Variants in NTM observed in about 807,000 individuals in gnomAD.
The protein encoded by NTM is neurotrimin.
In NTM, 13 loss-of-function variants were observed where a neutral mutation model predicts 42.1. The observed-to-expected ratio is 0.31, with a 90% CI of 0.20 to 0.49. NTM has a LOEUF of 0.49. NTM is among the 20% of genes least tolerant of loss of function. The pLI is 0.99. For synonymous variants in NTM, 187 were observed against 179.2 expected (o/e 1.04, Z -0.35); for missense variants, 373 against 452.8 (o/e 0.82, Z 1.60).
Position 131,939,333 on chromosome 11 carries a change from A to G in NTM, c.167+27685A>G, listed in dbSNP as rs2059556412. On this transcript the variant is annotated intron_variant, in intron 2 of 8. Transcript: ENST00000683400. ...CTGCCACAACCAGGAGTTCTGGAAA[A>G]GGAGAAGTGAAAAGTATCCATGGGA... Among the ~76,000 whole-genome samples the G allele has an allele frequency of 2.0e-5, 3 of 152,168 alleles. No homozygotes were observed. The South Asian group carries it at 6.2e-4, about 32-fold the overall frequency.
At chr11:131,672,771 C>T (rs1277648601) in intron 1 of NTM, among the ~76,000 whole-genome samples, 1 of 151,850 alleles carries the variant, frequency 6.6e-6, no homozygotes, top group Non-Finnish European at 1.5e-5. Context: ...CAGCCTTGGC[C>T]TCTTCTTTCT....
intron 3 of NTM, among the ~76,000 whole-genome samples, chr11:132,197,530 G>A (rs187768062): frequency 2.6e-5 from 4 of 151,670 alleles, no homozygotes; most frequent in African/African-American, 9.7e-5. Context: ...TTAAGTTCTA[G>A]GGTACATGTG....
At chr11:131,682,273 T>C (rs936704686) in intron 1 of NTM, among the ~76,000 whole-genome samples, 1 of 152,192 alleles carries the variant, frequency 6.6e-6, no homozygotes, top group African/African-American at 2.4e-5. Context: ...GTTTCCTTCC[T>C]GGAAAATGGG....
At chr11:132,329,751 C>G (rs772377801) in intron 7 of NTM, among the ~76,000 whole-genome samples, 52 of 152,218 alleles carry the variant, frequency 3.4e-4, no homozygotes, top group Admixed American at 2.1e-3. Flanking sequence ...CAGGCTTCAA[C>G]TAATTAGAGG....
chr11:132,200,446 G>GA (rs1260793789), intron 3 of NTM, among the ~76,000 whole-genome samples: 1 of 152,200 alleles, frequency 6.6e-6, no homozygotes, highest in Admixed American at 6.5e-5. Flanking sequence ...GAGAACAAGA[G>GA]AAAAATCTCT....
At chr11:132,205,719 G>T (rs1592214458) in intron 3 of NTM, among the ~76,000 whole-genome samples, 1 of 152,126 alleles carries the variant, frequency 6.6e-6, no homozygotes, top group East Asian at 1.9e-4. Context: ...CTCATAGCAG[G>T]TCTAATTTAC....
intron 2 of NTM, among the ~76,000 whole-genome samples, chr11:132,065,777 A>C (rs1423159554): frequency 6.6e-6 from 1 of 152,178 alleles, no homozygotes; most frequent in African/African-American, 2.4e-5. Context: ...GGCATGTGAC[A>C]TACATTAGTT....
intron 1 of NTM, among the ~76,000 whole-genome samples, chr11:131,651,619 A>G (rs1272040471): frequency 6.6e-6 from 1 of 152,148 alleles, no homozygotes; most frequent in Non-Finnish European, 1.5e-5. Context: ...AGGCAGGTGG[A>G]TCATGAGGTC....
chr11:131,450,433 G>T lies in NTM; in HGVS notation c.82+79545G>T, dbSNP rs577266677. On this transcript the variant is annotated intron_variant, in intron 1 of 8. Coordinates refer to ENST00000683400, the MANE Select transcript of NTM (RefSeq NM_001352005.2). ...TGTCACTTCTCCCTGAGCCCATTCC[G>T]CCTGGGACCCTTCTCCCTTTTTTAT... is the stretch of plus-strand genomic sequence containing the variant. 3.9e-5 allele frequency among the ~76,000 whole-genome samples: 6 copies of T among 152,130 alleles called. No individual in the cohort carries two copies. The South Asian group carries it at 1.0e-3, about 26-fold the overall frequency.
intron 1 of NTM, among the ~76,000 whole-genome samples, chr11:131,755,894 G>A (rs935752734): frequency 1.3e-5 from 2 of 152,192 alleles, no homozygotes; most frequent in South Asian, 2.1e-4. Context: ...AATTTTATTC[G>A]AGGAGAGGCA....
chr11:132,292,668 T>C (rs1329816364), intron 4 of NTM, among the ~76,000 whole-genome samples: 1 of 150,890 alleles, frequency 6.6e-6, no homozygotes, highest in Non-Finnish European at 1.5e-5. Flanking sequence ...TCATCTAGGA[T>C]GGGGTTTTGC....
At chr11:131,629,813 A>C (rs1238063674) in intron 1 of NTM, among the ~76,000 whole-genome samples, 1 of 152,228 alleles carries the variant, frequency 6.6e-6, no homozygotes, top group East Asian at 1.9e-4. Context: ...TGTTAGGACT[A>C]GGTTTCCTTG....
rs190717591 is a variant in NTM at position 131,450,934 on chromosome 11, G to A, written c.82+80046G>A. 5.9e-5 allele frequency among the ~76,000 whole-genome samples: 9 copies of A among 152,152 alleles called. No homozygotes were observed. In the East Asian group the frequency reaches 1.7e-3, roughly 29 times the overall value. On this transcript the variant is annotated intron_variant, in intron 1 of 8. Transcript: ENST00000683400. Reference sequence around the variant, plus strand: ...CTTTTTTTTTCTCCAGAACTTAGGAGTGCAAAGGAGACAGGGCAGGGCAAT... The same window carrying A: ...CTTTTTTTTTCTCCAGAACTTAGGAATGCAAAGGAGACAGGGCAGGGCAAT...
intron 1 of NTM, among the ~76,000 whole-genome samples, chr11:131,848,782 A>G (rs2136779801): frequency 6.6e-6 from 1 of 152,316 alleles, no homozygotes; most frequent in African/African-American, 2.4e-5. Context: ...CAGAGCCAGA[A>G]CTAAAACCCA....
Position 131,987,416 on chromosome 11 carries a change from A to ATTCTC in NTM, c.167+75772_167+75773insCTTCT, listed in dbSNP as rs1396825943. Among the ~76,000 whole-genome samples, 22 of 151,332 alleles carry ATTCTC rather than the reference A, an allele frequency of 1.5e-4. No individual in the cohort carries two copies. In the East Asian group the frequency reaches 3.3e-3, roughly 23 times the overall value. ...ATTCTATTCTATTCTATTCTATTCT[A>ATTCTC]TTCTATTCTATTCTATTTTCATTCC... On this transcript the variant is annotated intron_variant, in intron 2 of 8. Coordinates refer to ENST00000683400, the MANE Select transcript of NTM (RefSeq NM_001352005.2).
chr11:131,729,708 T>G (rs1247128889), intron 1 of NTM, among the ~76,000 whole-genome samples: 2 of 152,224 alleles, frequency 1.3e-5, no homozygotes, highest in Non-Finnish European at 2.9e-5. Context: ...GTTTCTGGCT[T>G]CTTCATTTAG....
chr11:132,081,934 TCA>T (rs1491588294), intron 2 of NTM, among the ~76,000 whole-genome samples: 1 of 132,892 alleles, frequency 7.5e-6, no homozygotes, highest in Non-Finnish European at 1.6e-5. Context: ...ACACACATAT[TCA>T]TATATATATA....
intron 2 of NTM, among the ~76,000 whole-genome samples, chr11:132,103,005 G>A (rs2061814707): frequency 6.6e-6 from 1 of 152,214 alleles, no homozygotes; most frequent in East Asian, 1.9e-4. Flanking sequence ...GTTCCTCAGG[G>A]CCTCAGGGAG....
intron 3 of NTM, among the ~76,000 whole-genome samples, chr11:132,176,861 C>T (rs148446806): frequency 1.5e-3 from 231 of 150,310 alleles, no homozygotes; most frequent in African/African-American, 5.0e-3. Context: ...CCCAAGTAGC[C>T]GGGATTACAG....
Sources: allele counts gnomAD v4.1 joint callset (sites outside exome capture counted in the v4.1 genomes callset), GRCh38; gene constraint gnomAD v4.1.1; transcripts MANE v1.5; gene names NCBI Gene and HGNC (gene_info 2026-07-23, HGNC 2026-07-21).